The following BPIFC variants were observed in gnomAD, a reference collection of about 807,000 sequenced individuals.
The protein encoded by BPIFC is BPI fold containing family C, also known as BPI fold-containing family C protein.
BPIFC carries 60 observed loss-of-function variants against 57.6 expected under a neutral mutation model. That is an observed-to-expected ratio of 1.04 (90% CI 0.85 to 1.29). BPIFC has a LOEUF of 1.29. Ranked by LOEUF, BPIFC falls within the 50% of genes most tolerant of loss-of-function variation. The pLI, the probability that BPIFC is intolerant of heterozygous loss-of-function variation, is 0.00. For missense variants in BPIFC, 581 were observed against 600.5 expected (o/e 0.97, Z 0.34); for synonymous variants, 243 against 224.5 (o/e 1.08, Z -0.74).
At chr22:32,464,344 AG>A in intron 1 of BPIFC, 29 bp downstream of exon 1, 1 of 977,658 alleles carries the variant, frequency 1.0e-6, no homozygotes, top group Non-Finnish European at 1.2e-6. Flanking sequence ...CATGGCTGGC[AG>A]AGACCTGAAG....
intron 9 of BPIFC, among the ~76,000 whole-genome samples, chr22:32,436,475 G>GGAA (rs375063707): frequency 6.6e-5 from 10 of 151,556 alleles, no homozygotes; most frequent in East Asian, 1.9e-4. Flanking sequence ...AAAAAGAAGA[G>GGAA]GAAGAAGAAG....
chr22:32,439,335 A>T (rs1005086769), intron 8 of BPIFC, among the ~76,000 whole-genome samples: 2 of 152,106 alleles, frequency 1.3e-5, no homozygotes, highest in African/African-American at 4.8e-5. Flanking sequence ...AAAAAAAAAA[A>T]AATAAATGAA....
At chr22:32,419,500 C>G in intron 13 of BPIFC, 96 bp from the exon 14 acceptor site, 3 of 1,250,924 alleles carry the variant, frequency 2.4e-6, no homozygotes, top group Non-Finnish European at 3.4e-6. Flanking sequence ...TCAAAAGTCA[C>G]TATTTAAAAA....
intron 13 of BPIFC, among the ~76,000 whole-genome samples, chr22:32,424,762 T>TTCC (rs1491412366): frequency 2.2e-4 from 17 of 76,768 alleles, no homozygotes; most frequent in East Asian, 5.3e-4. Context: ...CCTCTTCTTC[T>TTCC]TCTTCTTCTT....
intron 13 of BPIFC, among the ~76,000 whole-genome samples, chr22:32,425,257 A>T (rs1934033297): frequency 6.6e-6 from 1 of 152,182 alleles, no homozygotes; most frequent in African/African-American, 2.4e-5. Context: ...AAATGGGGAT[A>T]ATAGTACCTA....
At chr22:32,429,084 C>T (rs1934154821) in intron 13 of BPIFC, among the ~76,000 whole-genome samples, 1 of 152,168 alleles carries the variant, frequency 6.6e-6, no homozygotes, top group East Asian at 1.9e-4. Flanking sequence ...CTATTTTCCT[C>T]TTCCAGATGC....
At chr22:32,446,361 A>G (rs2076033) in intron 5 of BPIFC, among the ~76,000 whole-genome samples, 63,604 of 152,114 alleles carry the variant, frequency 0.42, 13,611 homozygotes, top group Middle Eastern at 0.5. Context: ...GCATAGATGA[A>G]AAAGTGATGC....
At chr22:32,446,213 T>C (rs1002881596) in intron 5 of BPIFC, among the ~76,000 whole-genome samples, 1 of 152,228 alleles carries the variant, frequency 6.6e-6, no homozygotes, top group African/African-American at 2.4e-5. Context: ...CTAACAGCTA[T>C]TGGGATATTC....
chr22:32,457,428 C>A, intron 2 of BPIFC, 42 bp from the exon 3 acceptor site: 8 of 1,580,454 alleles, frequency 5.1e-6, no homozygotes, highest in Non-Finnish European at 6.8e-6. Context: ...TTATTCTTGA[C>A]TTTCTCTTTG....
Position 32,445,713 on chromosome 22 carries a change from G to GAAAAAAAGAAA in BPIFC, c.531-16_531-15insTTTCTTTTTTT, listed in dbSNP as rs1934705125. ...TATACAGAACACTGAGGAAAAAAAT[G>GAAAAAAAGAAA]AAAAAAAAAAAAAAAAAAAAAAGAG... On this transcript the variant is annotated splice_polypyrimidine_tract_variant and intron_variant, in intron 6 of 16. Transcript: ENST00000300399. 1 of 619,518 alleles carries GAAAAAAAGAAA rather than the reference G, an allele frequency of 1.6e-6. No homozygotes were observed. Among genetic ancestry groups the GAAAAAAAGAAA allele is most frequent in the Non-Finnish European group, 2.2e-6 (1 of 459,620 alleles). The allele number at this position is 619,518 out of a possible 1,614,324, so 38.4% of individuals were successfully genotyped here.
At chr22:32,459,554 T>G (rs1935114709) in intron 2 of BPIFC, among the ~76,000 whole-genome samples, 2 of 151,928 alleles carry the variant, frequency 1.3e-5, no homozygotes, top group Admixed American at 1.3e-4. Flanking sequence ...TCCCAGCTAC[T>G]CGGGACGCTG....
chr22:32,434,749 A>G (rs936360062), intron 10 of BPIFC, among the ~76,000 whole-genome samples: 1 of 152,226 alleles, frequency 6.6e-6, no homozygotes, highest in African/African-American at 2.4e-5. Context: ...CACTGCTGCC[A>G]TACTTACCAT....
chr22:32,418,699 T>C (rs1299610725), intron 14 of BPIFC, among the ~76,000 whole-genome samples: 1 of 152,192 alleles, frequency 6.6e-6, no homozygotes, highest in Non-Finnish European at 1.5e-5. Flanking sequence ...ATTAACATTA[T>C]GTAGTGCTGC....
intron 3 of BPIFC, among the ~76,000 whole-genome samples, chr22:32,454,482 G>C (rs1934984918): frequency 6.6e-6 from 1 of 152,160 alleles, no homozygotes; most frequent in Admixed American, 6.5e-5. Context: ...TCTTTATATG[G>C]AAGCATCACA....
chr22:32,432,346 G>T (rs373163358), intron 12 of BPIFC, 27 bp downstream of exon 12: 3 of 1,611,732 alleles, frequency 1.9e-6, no homozygotes, highest in Non-Finnish European at 2.5e-6. Flanking sequence ...GCATCTACAG[G>T]CTGCTCCACT....
chr22:32,452,098 C>T (rs545156806), intron 4 of BPIFC, among the ~76,000 whole-genome samples: 21 of 151,996 alleles, frequency 1.4e-4, no homozygotes, highest in African/African-American at 4.6e-4. Flanking sequence ...GATGGGTTTT[C>T]GTCATGTTGC....
At chr22:32,449,234 T>A (rs1934818902) in intron 4 of BPIFC, among the ~76,000 whole-genome samples, 1 of 152,180 alleles carries the variant, frequency 6.6e-6, no homozygotes, top group South Asian at 2.1e-4. Flanking sequence ...CCAAGTTTAG[T>A]ACCAGCTGTA....
intron 12 of BPIFC, 136 bp downstream of exon 12, chr22:32,432,237 C>A (rs9609550): frequency 1.1e-6 from 1 of 941,162 alleles, no homozygotes; most frequent in East Asian, 2.6e-5. Flanking sequence ...TGAGCCATCA[C>A]GTCCAGCCTC....
intron 12 of BPIFC, 124 bp from the exon 13 acceptor site, chr22:32,431,538 T>C (rs1007913339): frequency 3.1e-6 from 2 of 652,906 alleles, no homozygotes; most frequent in Admixed American, 5.7e-5. Context: ...ACATTGGAAG[T>C]CTAAAAGACA....
Sources: gnomAD v4.1 joint callset for allele counts (sites outside exome capture counted in the v4.1 genomes callset) on GRCh38, gnomAD v4.1.1 for gene constraint, MANE v1.5 for transcripts, NCBI Gene and HGNC (gene_info 2026-07-23, HGNC 2026-07-21) for gene names.